LHFPL3: variants seen among roughly 807,000 people sequenced by gnomAD.
LHFPL3 encodes LHFPL tetraspan subfamily member 3 protein.
Under a neutral mutation model 19.3 loss-of-function variants are expected in LHFPL3, and 5 were observed. The ratio of observed to expected loss-of-function variants is 0.26; its 90% confidence interval spans 0.14 to 0.54. LHFPL3 has a LOEUF of 0.54. Ranked by LOEUF, LHFPL3 falls within the 20% of genes least tolerant of loss-of-function variation. The pLI is 0.94. For missense variants in LHFPL3, 249 were observed against 307.4 expected (o/e 0.81, Z 1.42); for synonymous variants, 133 against 126.2 (o/e 1.05, Z -0.36).
chr7:104,448,173 G>A (rs1447480283), intron 1 of LHFPL3, among the ~76,000 whole-genome samples: 2 of 152,142 alleles, frequency 1.3e-5, no homozygotes, highest in Admixed American at 6.6e-5. Flanking sequence ...TTAATTGGAA[G>A]CACAGATTCA....
intron 1 of LHFPL3, among the ~76,000 whole-genome samples, chr7:104,646,826 T>C (rs1188965450): frequency 6.6e-6 from 1 of 152,114 alleles, no homozygotes; most frequent in Non-Finnish European, 1.5e-5. Context: ...TTATTCAGTA[T>C]TTAGCAAACT....
At chr7:104,465,860 T>G (rs1006788088) in intron 1 of LHFPL3, among the ~76,000 whole-genome samples, 2 of 152,254 alleles carry the variant, frequency 1.3e-5, no homozygotes, top group African/African-American at 4.8e-5. Context: ...TGTTGTTTGA[T>G]TCCGTTGTAA....
chr7:104,669,628 G>C (rs917117382), intron 1 of LHFPL3: 2 of 1,491,230 alleles, frequency 1.3e-6, no homozygotes, highest in East Asian at 2.3e-5. Flanking sequence ...TGGAACATTC[G>C]AGAGCAAATC....
chr7:104,549,519 A>G (rs1034832433), intron 1 of LHFPL3, among the ~76,000 whole-genome samples: 1 of 151,354 alleles, frequency 6.6e-6, no homozygotes, highest in Non-Finnish European at 1.5e-5. Context: ...ATAATTTGCT[A>G]TGCACTTCCT....
At chr7:104,625,460 A>C (rs759778604) in intron 1 of LHFPL3, among the ~76,000 whole-genome samples, 1 of 152,238 alleles carries the variant, frequency 6.6e-6, no homozygotes, top group Non-Finnish European at 1.5e-5. Context: ...GCCCAGCAGC[A>C]GTAATAAGCA....
At chr7:104,828,521 C>G (rs1394303499) in intron 2 of LHFPL3, among the ~76,000 whole-genome samples, 1 of 151,980 alleles carries the variant, frequency 6.6e-6, no homozygotes, top group Non-Finnish European at 1.5e-5. Flanking sequence ...CAAGGAAAGT[C>G]TGCTGGGGAT....
intron 1 of LHFPL3, among the ~76,000 whole-genome samples, chr7:104,469,231 T>C (rs1192160186): frequency 2.0e-5 from 3 of 152,214 alleles, no homozygotes; most frequent in African/African-American, 7.2e-5. Flanking sequence ...CCTGATGAGG[T>C]CTAAAAGCTG....
At chr7:104,430,437 T>TACAC (rs1562895314) in intron 1 of LHFPL3, among the ~76,000 whole-genome samples, 12 of 16,842 alleles carry the variant, frequency 7.1e-4, no homozygotes, top group African/African-American at 3.5e-3. Context: ...TATATATATA[T>TACAC]ATATATATAT....
chr7:104,420,166 G>T (rs1034428362), intron 1 of LHFPL3, among the ~76,000 whole-genome samples: 8 of 152,118 alleles, frequency 5.3e-5, no homozygotes, highest in African/African-American at 1.9e-4. Context: ...CACTTTTCTG[G>T]GTCTTCTTCT....
chr7:104,822,178 G>A (rs1219848413), intron 2 of LHFPL3, among the ~76,000 whole-genome samples: 1 of 152,182 alleles, frequency 6.6e-6, no homozygotes, highest in Non-Finnish European at 1.5e-5. Flanking sequence ...GGTTCATACT[G>A]TGTTCCAGAA....
chr7:104,495,607 T>G (rs779255092), intron 1 of LHFPL3, among the ~76,000 whole-genome samples: 9 of 152,132 alleles, frequency 5.9e-5, no homozygotes, highest in Non-Finnish European at 1.3e-4. Flanking sequence ...ATGGTCTCCA[T>G]CTCCTGACCT....
At chr7:104,343,757 A>G (rs909722771) in intron 1 of LHFPL3, among the ~76,000 whole-genome samples, 1 of 146,766 alleles carries the variant, frequency 6.8e-6, no homozygotes, top group Non-Finnish European at 1.5e-5. Context: ...GTGGTTTACA[A>G]AATCATACTA....
chr7:104,420,641 G>A (rs1304363198), intron 1 of LHFPL3, among the ~76,000 whole-genome samples: 1 of 139,380 alleles, frequency 7.2e-6, no homozygotes, highest in Admixed American at 8.3e-5. Flanking sequence ...CTCACTGCAA[G>A]CTCCGCCTCC....
chr7:104,583,552 A>T (rs1365759415), intron 1 of LHFPL3, among the ~76,000 whole-genome samples: 1 of 152,208 alleles, frequency 6.6e-6, no homozygotes, highest in African/African-American at 2.4e-5. Flanking sequence ...AATTTTTGCA[A>T]CCTACTCATC....
At chr7:104,821,619 G>A (rs888419207) in intron 2 of LHFPL3, among the ~76,000 whole-genome samples, 10 of 152,098 alleles carry the variant, frequency 6.6e-5, no homozygotes, top group South Asian at 4.1e-4. Flanking sequence ...AAGGCATTAC[G>A]TGCAACATGA....
At chr7:104,778,482 A>T (rs920076779) in intron 2 of LHFPL3, among the ~76,000 whole-genome samples, 1 of 152,220 alleles carries the variant, frequency 6.6e-6, no homozygotes, top group Non-Finnish European at 1.5e-5. Context: ...TTCCCATGGA[A>T]GGAATGATTA....
intron 2 of LHFPL3, among the ~76,000 whole-genome samples, chr7:104,800,643 C>T (rs559568182): frequency 6.6e-6 from 1 of 152,234 alleles, no homozygotes; most frequent in Admixed American, 6.5e-5. Context: ...CCTTTAGATC[C>T]CCACCCAAAC....
chr7:104,815,995 C>T (rs927113383), intron 2 of LHFPL3, among the ~76,000 whole-genome samples: 1 of 152,146 alleles, frequency 6.6e-6, no homozygotes, highest in African/African-American at 2.4e-5. Context: ...CCACCACATT[C>T]CATATAGACC....
At chr7:104,434,457 G>A (rs1006666235) in intron 1 of LHFPL3, among the ~76,000 whole-genome samples, 1 of 152,162 alleles carries the variant, frequency 6.6e-6, no homozygotes, top group Non-Finnish European at 1.5e-5. Flanking sequence ...AGGGGGTCTA[G>A]GATACAGAAA....
Sources: allele counts gnomAD v4.1 joint callset (sites outside exome capture counted in the v4.1 genomes callset), GRCh38; gene constraint gnomAD v4.1.1; transcripts MANE v1.5; gene names NCBI Gene and HGNC (gene_info 2026-07-23, HGNC 2026-07-21).